SAFB: variants seen among roughly 807,000 people sequenced by gnomAD.
SAFB encodes the protein scaffold attachment factor B1.
SAFB carries 15 observed loss-of-function variants against 101.6 expected under a neutral mutation model. That is an observed-to-expected ratio of 0.15 (90% confidence interval 0.10 to 0.23). The LOEUF is 0.23. SAFB is among the 10% of genes least tolerant of loss of function. The pLI is 1.00. For synonymous variants in SAFB, 449 were observed against 407.5 expected (o/e 1.10, Z -1.23); for missense variants, 930 against 1,104.1 (o/e 0.84, Z 2.23).
chr19:5,661,285 AAGG>A (rs1223865398), intron 14 of SAFB, among the ~76,000 whole-genome samples: 2 of 152,118 alleles, frequency 1.3e-5, no homozygotes, highest in Admixed American at 1.3e-4. Context: ...ATGTTGGAGA[AAGG>A]AGGCCCAGTT....
At chr19:5,660,751 C>T (rs2054181157) in intron 14 of SAFB, among the ~76,000 whole-genome samples, 1 of 139,548 alleles carries the variant, frequency 7.2e-6, no homozygotes, top group African/African-American at 2.6e-5. Context: ...CCTGTCTGTT[C>T]TGTTTTATAT....
rs1180674693 is a variant in SAFB at position 5,667,528 on chromosome 19, G to C, written c.2557+78G>C. ...ATGGAGGCCGCGCCTTCTCTCCTTG[G>C]GGGAGCACAGGAGGTGCTCTGCTCT... On this transcript the variant is annotated intron_variant, in intron 19 of 20. Coordinates refer to ENST00000588852, the MANE Select transcript of SAFB (RefSeq NM_001201338.2). This position sits in a 1 kb window ranked among gnomAD's most constrained non-coding sequence, Gnocchi z 4.0. The C allele has an allele frequency of 2.8e-5, 28 of 1,014,976 alleles. No homozygotes were observed. Among genetic ancestry groups the C allele is most frequent in the Non-Finnish European group, 3.6e-5 (25 of 685,696 alleles). 62.9% of individuals were successfully genotyped at this position (1,014,976 alleles called of 1,614,324 possible).
In SAFB at chr19:5,667,984, C is replaced by A; in HGVS notation, c.2624+98C>A. 1 of 1,428,810 alleles carries A rather than the reference C, an allele frequency of 7.0e-7. No homozygotes were observed. Among genetic ancestry groups the A allele is most frequent in the Non-Finnish European group, 9.5e-7 (1 of 1,049,892 alleles). 88.5% of individuals were successfully genotyped at this position (1,428,810 alleles called of 1,614,324 possible). A position where few individuals can be genotyped will look rare whatever the true frequency, so the allele number is the denominator to read the frequency against. The stretch of plus-strand genomic sequence containing the variant: ...CCAAGTCCTTCCAGCTAGTGCCCCT[C>A]CCCCCAAGGGTGACGTGAGGCCAGG... On this transcript the variant is annotated intron_variant, in intron 20 of 20. Transcript: ENST00000588852. The surrounding 1 kb of genome is among the most constrained non-coding windows in gnomAD (Gnocchi z 4.0).
chr19:5,637,114 G>A (rs1323042996), intron 2 of SAFB, among the ~76,000 whole-genome samples: 1 of 151,268 alleles, frequency 6.6e-6, no homozygotes, highest in Non-Finnish European at 1.5e-5. Flanking sequence ...GGAGGCCGAG[G>A]CGGGTGGATC....
chr19:5,623,631 C>T (rs545820183), intron 1 of SAFB, among the ~76,000 whole-genome samples: 1 of 152,170 alleles, frequency 6.6e-6, no homozygotes, highest in African/African-American at 2.4e-5. Context: ...GGCACGCGTG[C>T]AGGAGAAACG....
chr19:5,667,743 G>T lies in SAFB; in HGVS notation c.2558-77G>T. On this transcript the variant is annotated intron_variant, in intron 19 of 20. Transcript: ENST00000588852. The surrounding 1 kb of genome is among the most constrained non-coding windows in gnomAD (Gnocchi z 4.0). ...GTACCTGGGGGCCTCACCAAAGGGA[G>T]TGGAGTGGGCTAAATGTGCCGTGGG... The T allele has an allele frequency of 6.9e-7, 1 of 1,454,248 alleles. No homozygotes were observed. Among genetic ancestry groups the T allele is most frequent in the Non-Finnish European group, 9.6e-7 (1 of 1,040,774 alleles). The allele number at this position is 1,454,248 out of a possible 1,614,324, so 90.1% of individuals were successfully genotyped here.
At chr19:5,658,939 GT>G (rs1173540088) in intron 14 of SAFB, among the ~76,000 whole-genome samples, 3 of 152,160 alleles carry the variant, frequency 2.0e-5, no homozygotes, top group African/African-American at 7.2e-5. Context: ...AAGGTCAGGA[GT>G]TCAAGACCAG....
chr19:5,642,203 G>A (rs570622767), intron 4 of SAFB, among the ~76,000 whole-genome samples: 20 of 152,180 alleles, frequency 1.3e-4, no homozygotes, highest in Non-Finnish European at 2.6e-4. Flanking sequence ...GACTCTTCCT[G>A]TTGCCGGACT....
intron 4 of SAFB, among the ~76,000 whole-genome samples, chr19:5,642,566 A>G (rs2053740825): frequency 6.6e-6 from 1 of 151,984 alleles, no homozygotes; most frequent in Non-Finnish European, 1.5e-5. Flanking sequence ...TTCCTGTTAG[A>G]AACATATCAA....
intron 14 of SAFB, among the ~76,000 whole-genome samples, chr19:5,658,228 C>T (rs1397486362): frequency 6.6e-6 from 1 of 152,080 alleles, no homozygotes; most frequent in Non-Finnish European, 1.5e-5. Context: ...AAACTCCTGA[C>T]CTCAAGTGAT....
chr19:5,641,556 A>G (rs752530506), intron 2 of SAFB, 38 bp from the exon 3 acceptor site: 7 of 1,575,994 alleles, frequency 4.4e-6, no homozygotes, highest in Non-Finnish European at 6.1e-6. Flanking sequence ...TAAAGTGCGT[A>G]TCATTTGATC....
At chr19:5,663,109 TCTC>T (rs2054252353) in intron 15 of SAFB, among the ~76,000 whole-genome samples, 1 of 152,110 alleles carries the variant, frequency 6.6e-6, no homozygotes, top group Admixed American at 6.6e-5. Flanking sequence ...TTCAAGCAAT[TCTC>T]CTGCTTCACT....
intron 2 of SAFB, among the ~76,000 whole-genome samples, chr19:5,635,260 A>G (rs2053571910): frequency 6.6e-6 from 1 of 152,140 alleles, no homozygotes; most frequent in Non-Finnish European, 1.5e-5. Flanking sequence ...AACGTGGGGA[A>G]CTGCCGTAGC....
At chr19:5,636,862 C>A (rs1052172689) in intron 2 of SAFB, among the ~76,000 whole-genome samples, 12 of 151,718 alleles carry the variant, frequency 7.9e-5, no homozygotes, top group African/African-American at 2.9e-4. Context: ...GTGCCTGACA[C>A]CACACCTGGC....
At chr19:5,660,193 G>C (rs182470513) in intron 14 of SAFB, among the ~76,000 whole-genome samples, 34 of 152,122 alleles carry the variant, frequency 2.2e-4, no homozygotes, top group African/African-American at 7.5e-4. Flanking sequence ...ATATAAAACT[G>C]TGTGGTATTT....
At chr19:5,663,885 C>G (rs2054270443) in intron 15 of SAFB, 137 bp from the exon 16 acceptor site, 13 of 918,486 alleles carry the variant, frequency 1.4e-5, no homozygotes, top group Admixed American at 5.1e-5. Context: ...CAAATCAGAC[C>G]TTGCCTCCTA....
intron 9 of SAFB, 150 bp from the exon 10 acceptor site, chr19:5,652,965 C>T (rs2053971708): frequency 2.6e-6 from 2 of 762,174 alleles, no homozygotes; most frequent in Non-Finnish European, 4.2e-6. Flanking sequence ...GGAGGAACAA[C>T]AGCGAAACAG....
At chr19:5,649,718 T>G in intron 7 of SAFB, 1 of 829,972 alleles carries the variant, frequency 1.2e-6, no homozygotes, top group Non-Finnish European at 1.9e-6. Context: ...AAATTCTTCC[T>G]AATTACCTTT....
chr19:5,654,493 T>TGA (rs1438707326), intron 13 of SAFB, 37 bp downstream of exon 13: 1 of 1,216,444 alleles, frequency 8.2e-7, no homozygotes, highest in Non-Finnish European at 1.2e-6. Context: ...ATTTTGCTCT[T>TGA]CTTTTCAGTT....
Sources: gnomAD v4.1 joint callset for allele counts (sites outside exome capture counted in the v4.1 genomes callset) on GRCh38, gnomAD v4.1.1 for gene constraint, Gnocchi (gnomAD v3.1) non-coding constraint, MANE v1.5 for transcripts, NCBI Gene and HGNC (gene_info 2026-07-23, HGNC 2026-07-21) for gene names.